The following PRDM11 variants were observed in gnomAD, a reference collection of about 807,000 sequenced individuals.
PRDM11 encodes the protein PR domain-containing protein 11.
Under a neutral mutation model 97.8 loss-of-function variants are expected in PRDM11, and 20 were observed. The ratio of observed to expected loss-of-function variants is 0.20; its 90% CI spans 0.14 to 0.30. The LOEUF is 0.30. Ranked by LOEUF, PRDM11 falls within the 10% of genes least tolerant of loss-of-function variation. The probability of loss-of-function intolerance (pLI) is 1.00; values close to 1 mark genes in which losing one functional copy is unlikely to be tolerated. For synonymous variants in PRDM11, 599 were observed against 637.7 expected (o/e 0.94, Z 0.91); for missense variants, 1,139 against 1,555.2 (o/e 0.73, Z 4.50).
intron 1 of PRDM11, among the ~76,000 whole-genome samples, chr11:45,149,154 A>G (rs1308622696): frequency 2.0e-5 from 3 of 152,202 alleles, no homozygotes; most frequent in Non-Finnish European, 2.9e-5. Flanking sequence ...GACAACAGCA[A>G]GAGCCTCCTA....
At chr11:45,159,579 T>C (rs1313215905) in intron 1 of PRDM11, among the ~76,000 whole-genome samples, 1 of 152,216 alleles carries the variant, frequency 6.6e-6, no homozygotes, top group Non-Finnish European at 1.5e-5. Flanking sequence ...CCACATGTCC[T>C]GACTCTCCTC....
chr11:45,149,613 G>C (rs1406004930), intron 1 of PRDM11, among the ~76,000 whole-genome samples: 1 of 152,208 alleles, frequency 6.6e-6, no homozygotes, highest in Non-Finnish European at 1.5e-5. Flanking sequence ...ATAAATGACA[G>C]TGATTCACGT....
At chr11:45,161,053 C>T (rs1475597470) in intron 1 of PRDM11, among the ~76,000 whole-genome samples, 1 of 152,204 alleles carries the variant, frequency 6.6e-6, no homozygotes, top group Admixed American at 6.5e-5. Context: ...CCTGGCTCAG[C>T]CCCTTACCAA....
intron 1 of PRDM11, among the ~76,000 whole-genome samples, chr11:45,096,324 C>T (rs1851886586): frequency 6.6e-6 from 1 of 152,196 alleles, no homozygotes; most frequent in Non-Finnish European, 1.5e-5. Context: ...ATTTATTGAG[C>T]ACCTATTGTG....
intron 4 of PRDM11, among the ~76,000 whole-genome samples, chr11:45,196,255 T>C (rs953082309): frequency 1.3e-5 from 2 of 152,212 alleles, no homozygotes; most frequent in Non-Finnish European, 2.9e-5. Flanking sequence ...GGTTTTGCTC[T>C]GCCTTTTTTC....
At chr11:45,138,910 A>G (rs1852934415) in intron 1 of PRDM11, among the ~76,000 whole-genome samples, 1 of 152,236 alleles carries the variant, frequency 6.6e-6, no homozygotes, top group Non-Finnish European at 1.5e-5. Context: ...GTTTGCATTG[A>G]GAAAACTGCA....
chr11:45,130,840 G>T (rs1249179692), intron 1 of PRDM11, among the ~76,000 whole-genome samples: 2 of 152,152 alleles, frequency 1.3e-5, no homozygotes, highest in African/African-American at 2.4e-5. Context: ...TATTCAACGT[G>T]TTATGAGACG....
At chr11:45,115,965 G>C (rs1183619749) in intron 1 of PRDM11, among the ~76,000 whole-genome samples, 1 of 150,052 alleles carries the variant, frequency 6.7e-6, no homozygotes, top group East Asian at 2.0e-4. Context: ...AAAAAAGCTA[G>C]AGCAGTGATA....
Position 45,180,343 on chromosome 11 carries a change from G to C in PRDM11, c.-6-1418G>C, listed in dbSNP as rs1852439635. Among the ~76,000 whole-genome samples, 4 of 152,140 alleles carry C rather than the reference G, an allele frequency of 2.6e-5. No individual in the cohort carries two copies. The South Asian group carries it at 8.3e-4, about 31-fold the overall frequency. On this transcript the variant is annotated intron_variant, in intron 1 of 7. Coordinates refer to ENST00000683152, the MANE Select transcript of PRDM11 (RefSeq NM_001384648.1). ...CCGCGGCTGAGCGAGCGGGTGTCCG[G>C]TGTCCGCACGGGTGGCAGCGCAGGC...
intron 1 of PRDM11, among the ~76,000 whole-genome samples, chr11:45,160,686 G>T (rs534912006): frequency 6.6e-6 from 1 of 152,336 alleles, no homozygotes; most frequent in South Asian, 2.1e-4. Context: ...TTTTATTCTA[G>T]TGCCTCCTTG....
upstream of PRDM11, among the ~76,000 whole-genome samples, chr11:45,142,662 T>A (rs1308005390): frequency 6.6e-6 from 1 of 152,164 alleles, no homozygotes; most frequent in East Asian, 1.9e-4. Context: ...AAAATGGCGA[T>A]GATGATCTGA....
chr11:45,196,819 T>C (rs1164223009), intron 4 of PRDM11, among the ~76,000 whole-genome samples: 1 of 152,160 alleles, frequency 6.6e-6, no homozygotes. Context: ...GGTTATAGGC[T>C]CTGTTCCTGG....
At chr11:45,208,363 C>T (rs544320618) in intron 5 of PRDM11, among the ~76,000 whole-genome samples, 1 of 152,148 alleles carries the variant, frequency 6.6e-6, no homozygotes, top group South Asian at 2.1e-4. Context: ...TAAATAGTTT[C>T]CCTGGTTACG....
At chr11:45,103,530 C>T (rs1852014198) in intron 1 of PRDM11, among the ~76,000 whole-genome samples, 1 of 152,040 alleles carries the variant, frequency 6.6e-6, no homozygotes, top group East Asian at 1.9e-4. Flanking sequence ...GTTTCCCCAT[C>T]TGTAAAACCA....
chr11:45,101,607 AGGGCTCAGAGCTAGAGGCTGAGC>A (rs1565220188), intron 1 of PRDM11, among the ~76,000 whole-genome samples: 16 of 149,504 alleles, frequency 1.1e-4, no homozygotes, highest in African/African-American at 3.7e-4. Context: ...GAAGGCGTTC[AGGGCTCAGAGCTAGAGGCTGAGC>A]AGAGGAAGAA....
intron 4 of PRDM11, among the ~76,000 whole-genome samples, chr11:45,188,595 G>A (rs1391150717): frequency 6.6e-6 from 1 of 152,252 alleles, no homozygotes; most frequent in Non-Finnish European, 1.5e-5. Flanking sequence ...CAAGGCATGG[G>A]CCTGGGTCAT....
chr11:45,201,803 T>TAAAA (rs375086298), intron 4 of PRDM11, among the ~76,000 whole-genome samples: 1 of 150,790 alleles, frequency 6.6e-6, no homozygotes, highest in African/African-American at 2.4e-5. Flanking sequence ...CTGTCTCTAC[T>TAAAA]AAAAAAAAAC....
At chr11:45,201,539 G>T (rs1853325561) in intron 4 of PRDM11, among the ~76,000 whole-genome samples, 1 of 151,286 alleles carries the variant, frequency 6.6e-6, no homozygotes, top group African/African-American at 2.4e-5. Context: ...TGTCACCCGG[G>T]CTTGAGTACA....
intron 4 of PRDM11, among the ~76,000 whole-genome samples, chr11:45,195,085 T>C (rs928771323): frequency 2.6e-5 from 4 of 152,064 alleles, no homozygotes; most frequent in African/African-American, 9.7e-5. Flanking sequence ...CCCACTTGCA[T>C]GGAAACCTGT....
Sources: allele counts gnomAD v4.1 joint callset (sites outside exome capture counted in the v4.1 genomes callset), GRCh38; gene constraint gnomAD v4.1.1; transcripts MANE v1.5; gene names NCBI Gene and HGNC (gene_info 2026-07-23, HGNC 2026-07-21).